Variants in TMIGD2 observed in about 807,000 individuals in gnomAD.
The protein encoded by TMIGD2 is transmembrane and immunoglobulin domain containing 2, also known as transmembrane and immunoglobulin domain-containing protein 2.
A neutral mutation model predicts 22.6 loss-of-function variants in TMIGD2; 18 were observed. The ratio of observed to expected loss-of-function variants is 0.80; its 90% CI spans 0.55 to 1.18. TMIGD2 has a LOEUF of 1.18. TMIGD2 is among the 50% of genes most tolerant of loss of function. TMIGD2 has a pLI of 0.00. For missense variants in TMIGD2, 361 were observed against 378.2 expected, an observed-to-expected ratio of 0.95 and a Z score of 0.38; for synonymous variants, 184 against 154.1, an observed-to-expected ratio of 1.19 and a Z score of -1.44.
At chr19:4,292,363 A>G in exon 5 of TMIGD2, 1 of 501,260 alleles carries the variant, frequency 2.0e-6, no homozygotes, top group Non-Finnish European at 3.5e-6. Context: ...TTTTTTTGAG[A>G]CGGAGTCTCA....
At chr19:4,299,313 T>C (rs1266791050) in intron 1 of TMIGD2, among the ~76,000 whole-genome samples, 2 of 151,782 alleles carry the variant, frequency 1.3e-5, no homozygotes, top group South Asian at 2.1e-4. Flanking sequence ...GCCTGGCTAA[T>C]TTTTTTGGTT....
chr19:4,300,169 G>A (rs923788914), intron 1 of TMIGD2, among the ~76,000 whole-genome samples: 2 of 152,062 alleles, frequency 1.3e-5, no homozygotes. Flanking sequence ...GCTGAGGCAG[G>A]AGAATCGCTT....
In TMIGD2 at chr19:4,294,758, C is replaced by A; in HGVS notation, c.448+17G>T. 1.3e-6 allele frequency: 2 copies of A among 1,584,306 alleles called. No individual in the cohort carries two copies. Among genetic ancestry groups the A allele is most frequent in the Non-Finnish European group, 1.7e-6 (2 of 1,165,906 alleles). ...CGGGTGGAAGACGCTGGGGGAGGAA[C>A]ACAGGGCAGGGCTCACCTGGGAAGC... On this transcript the variant is annotated intron_variant, in intron 3 of 4. Coordinates refer to ENST00000301272, the Ensembl canonical transcript of TMIGD2.
chr19:4,296,709 C>G (rs552532298), intron 2 of TMIGD2, among the ~76,000 whole-genome samples: 1 of 105,634 alleles, frequency 9.5e-6, no homozygotes, highest in Non-Finnish European at 2.3e-5. Flanking sequence ...GAGGCAGGCA[C>G]GTGTCCCCCG....
intron 1 of TMIGD2, among the ~76,000 whole-genome samples, chr19:4,301,493 C>G (rs1178325256): frequency 6.6e-6 from 1 of 152,134 alleles, no homozygotes; most frequent in Admixed American, 6.5e-5. Context: ...ATGGCGAAAC[C>G]CCGTCTCTAC....
exon 5 of TMIGD2, chr19:4,292,488 C>G (rs769816708): frequency 4.4e-6 from 5 of 1,142,680 alleles, no homozygotes; most frequent in African/African-American, 3.1e-5. Context: ...CCACCCGCCT[C>G]GGCTTCCCAA....
At chr19:4,293,751 C>G (rs958587016) in intron 4 of TMIGD2, among the ~76,000 whole-genome samples, 5 of 151,780 alleles carry the variant, frequency 3.3e-5, no homozygotes, top group African/African-American at 1.2e-4. Context: ...CGTGTGCCAC[C>G]AAGCCAGGCT....
At chr19:4,299,661 TG>T (rs1971509342) in intron 1 of TMIGD2, among the ~76,000 whole-genome samples, 1 of 151,852 alleles carries the variant, frequency 6.6e-6, no homozygotes, top group Admixed American at 6.6e-5. Context: ...TCAAGGCCGG[TG>T]GATCACCTGA....
chr19:4,293,221 A>G (rs1183912466), intron 4 of TMIGD2, among the ~76,000 whole-genome samples: 1 of 150,460 alleles, frequency 6.6e-6, no homozygotes, highest in East Asian at 1.9e-4. Context: ...TCGGCCTCCC[A>G]AAGTGCTGGG....
intron 1 of TMIGD2, among the ~76,000 whole-genome samples, chr19:4,300,546 A>G (rs1181094710): frequency 6.6e-6 from 1 of 152,178 alleles, no homozygotes; most frequent in African/African-American, 2.4e-5. Context: ...ACAGAGCGAG[A>G]CTGTGTCTCA....
At chr19:4,294,792 C>T (rs764768421) in exon 3 of TMIGD2, 13 of 1,584,588 alleles carry the variant, frequency 8.2e-6, no homozygotes, top group Admixed American at 3.6e-5. Flanking sequence ...GCTTGCGATC[C>T]GGTTTCTGTT....
At chr19:4,293,208 G>A (rs1424291590) in intron 4 of TMIGD2, among the ~76,000 whole-genome samples, 2 of 150,866 alleles carry the variant, frequency 1.3e-5, no homozygotes, top group Non-Finnish European at 2.9e-5. Context: ...TGATCCACCC[G>A]CCTCGGCCTC....
intron 1 of TMIGD2, among the ~76,000 whole-genome samples, chr19:4,301,692 C>T (rs1044988096): frequency 6.6e-6 from 1 of 151,798 alleles, no homozygotes; most frequent in Non-Finnish European, 1.5e-5. Context: ...AACAAACAAA[C>T]AAAAAAACAC....
intron 1 of TMIGD2, among the ~76,000 whole-genome samples, chr19:4,301,768 C>T (rs574568928): frequency 2.3e-4 from 35 of 151,976 alleles, no homozygotes; most frequent in South Asian, 2.3e-3. Flanking sequence ...TGGAGGTTTT[C>T]GCCCCAGGAA....
intron 4 of TMIGD2, among the ~76,000 whole-genome samples, chr19:4,293,141 T>C (rs531822022): frequency 2.6e-5 from 4 of 152,092 alleles, no homozygotes; most frequent in African/African-American, 9.6e-5. Context: ...TTTTTTGTAT[T>C]TTTAGTAGAG....
At chr19:4,299,145 A>AT (rs1428516120) in intron 1 of TMIGD2, among the ~76,000 whole-genome samples, 1 of 151,760 alleles carries the variant, frequency 6.6e-6, no homozygotes, top group African/African-American at 2.4e-5. Flanking sequence ...GTGATTTTTT[A>AT]TTTTTTTAAT....
chr19:4,298,196 G>C, exon 2 of TMIGD2: 1 of 1,613,400 alleles, frequency 6.2e-7, no homozygotes, highest in East Asian at 2.2e-5. Flanking sequence ...GGTTGACACA[G>C]GATGGCCCCA....
chr19:4,295,483 C>A (rs1340876246), intron 2 of TMIGD2, among the ~76,000 whole-genome samples: 1 of 151,754 alleles, frequency 6.6e-6, no homozygotes, highest in Non-Finnish European at 1.5e-5. Context: ...TGGTGTGAAC[C>A]CGGGAGGCGG....
Position 4,302,331 on chromosome 19 carries a change from G to T in TMIGD2, c.46+9C>A, listed in dbSNP as rs1971547795. 4 of 1,571,680 alleles carry T rather than the reference G, an allele frequency of 2.5e-6. No individual in the cohort carries two copies. The highest frequency in any genetic ancestry group is 1.7e-4 in the Middle Eastern group (1 of 5,998). On this transcript the variant is annotated intron_variant, in intron 1 of 4. Coordinates refer to ENST00000301272, the Ensembl canonical transcript of TMIGD2. ...GGGGTTCAGAGGGGAGGGAGGCCCA[G>T]ATACTCACCCCAGATCTGCACCAGG... is the stretch of plus-strand genomic sequence containing the variant.
Sources: gnomAD v4.1 joint callset for allele counts (sites outside exome capture counted in the v4.1 genomes callset) on GRCh38, gnomAD v4.1.1 for gene constraint, MANE v1.5 for transcripts, NCBI Gene and HGNC (gene_info 2026-07-23, HGNC 2026-07-21) for gene names.